The following PSMG2 variants were observed in gnomAD, a reference collection of about 807,000 sequenced individuals.
The protein encoded by PSMG2 is CD40 ligand-activated specific transcript 3.
A neutral mutation model predicts 31.5 loss-of-function variants in PSMG2; 21 were observed. The observed-to-expected ratio is 0.67, with a 90% CI of 0.47 to 0.96. PSMG2 has a LOEUF of 0.96. PSMG2 is among the 40% of genes least tolerant of loss of function. The pLI is 0.00. For synonymous variants in PSMG2, 120 were observed against 110.4 expected, an observed-to-expected ratio of 1.09 and a Z score of -0.54; for missense variants, 318 against 321.2, an observed-to-expected ratio of 0.99 and a Z score of 0.08.
upstream of PSMG2, chr18:12,702,289 C>A: frequency 1.8e-6 from 1 of 551,146 alleles, no homozygotes; most frequent in South Asian, 2.3e-5. Flanking sequence ...CTAGCACCTG[C>A]TCGGCTCGTT....
At chr18:12,681,488 G>A (rs181010470) in intron 1 of PSMG2, among the ~76,000 whole-genome samples, 17 of 152,092 alleles carry the variant, frequency 1.1e-4, no homozygotes, top group Non-Finnish European at 2.4e-4. Flanking sequence ...GGGCTCAAGT[G>A]ATCCTCCTGC....
chr18:12,686,263 T>G (rs1382186981), intron 1 of PSMG2: 3 of 1,610,096 alleles, frequency 1.9e-6, no homozygotes, highest in Non-Finnish European at 2.5e-6. Context: ...GTATAATACC[T>G]TGTTTCTACA....
At chr18:12,697,955 G>C in intron 1 of PSMG2, among the ~76,000 whole-genome samples, 1 of 152,086 alleles carries the variant, frequency 6.6e-6, no homozygotes, top group East Asian at 1.9e-4. Flanking sequence ...ACTTTGCTTA[G>C]TTTACAAATA....
intron 1 of PSMG2, among the ~76,000 whole-genome samples, chr18:12,682,173 C>T (rs371886974): frequency 1.1e-4 from 16 of 149,598 alleles, no homozygotes; most frequent in African/African-American, 2.4e-4. Flanking sequence ...TTTTTTTTTT[C>T]CTCTCTTTTG....
chr18:12,678,536 T>A, intron 1 of PSMG2: 1 of 771,714 alleles, frequency 1.3e-6, no homozygotes, highest in Non-Finnish European at 2.0e-6. Flanking sequence ...AGGCCATAAC[T>A]ACTTCTCAGA....
intron 1 of PSMG2, chr18:12,678,227 G>A: frequency 6.2e-7 from 1 of 1,614,148 alleles, no homozygotes; most frequent in Non-Finnish European, 8.5e-7. Context: ...TGTAGCTCCA[G>A]GAGCACACAC....
intron 1 of PSMG2, among the ~76,000 whole-genome samples, chr18:12,668,453 T>G (rs1297735165): frequency 6.6e-6 from 1 of 151,000 alleles, no homozygotes; most frequent in Non-Finnish European, 1.5e-5. Flanking sequence ...TTACAAAAAT[T>G]AGCTGGGCAT....
At chr18:12,721,105 G>A (rs1442338343) in intron 5 of PSMG2, among the ~76,000 whole-genome samples, 3 of 148,932 alleles carry the variant, frequency 2.0e-5, no homozygotes, top group Non-Finnish European at 3.0e-5. Flanking sequence ...GTGTGAACCC[G>A]AGAGGCGGAG....
chr18:12,678,104 A>G, intron 1 of PSMG2: 1 of 1,602,574 alleles, frequency 6.2e-7, no homozygotes, highest in Non-Finnish European at 8.5e-7. Context: ...TTCAGTGTGA[A>G]TTACCTTCCT....
intron 1 of PSMG2, among the ~76,000 whole-genome samples, chr18:12,690,947 C>A (rs537655284): frequency 2.3e-4 from 35 of 151,370 alleles, no homozygotes; most frequent in Non-Finnish European, 4.4e-4. Flanking sequence ...GAGCCCCCCC[C>A]CGTTCTGCAC....
At chr18:12,690,349 A>G (rs548401748) in intron 1 of PSMG2, among the ~76,000 whole-genome samples, 1 of 152,328 alleles carries the variant, frequency 6.6e-6, no homozygotes, top group Non-Finnish European at 1.5e-5. Context: ...TTAAAATAAT[A>G]TACTACACTA....
At chr18:12,691,309 C>G in intron 1 of PSMG2, 1 of 1,167,700 alleles carries the variant, frequency 8.6e-7, no homozygotes, top group Non-Finnish European at 1.2e-6. Context: ...ACACACATAA[C>G]AGTAAATCTC....
chr18:12,678,943 GA>G (rs200540833), intron 1 of PSMG2: 1 of 149,590 alleles, frequency 6.7e-6, no homozygotes, highest in Non-Finnish European at 1.5e-5. Context: ...CCATCTCCAA[GA>G]AAAAAAAATA....
chr18:12,674,437 G>C, intron 1 of PSMG2: 1 of 809,970 alleles, frequency 1.2e-6, no homozygotes. Flanking sequence ...GCAAGACCTT[G>C]AGTTAAAAAA....
chr18:12,713,171 T>C (rs1213906558), intron 3 of PSMG2, among the ~76,000 whole-genome samples: 1 of 152,210 alleles, frequency 6.6e-6, no homozygotes, highest in Non-Finnish European at 1.5e-5. Context: ...ACCAGTGTCA[T>C]CTTCATGCCC....
intron 1 of PSMG2, 55 bp downstream of exon 1, chr18:12,703,219 C>G (rs753215787): frequency 1.3e-6 from 2 of 1,539,734 alleles, no homozygotes; most frequent in Admixed American, 3.9e-5. Context: ...TGCGGTGTCG[C>G]CACCCCGACG....
At chr18:12,720,253 CAT>C (rs1231638600) in intron 4 of PSMG2, among the ~76,000 whole-genome samples, 1 of 152,186 alleles carries the variant, frequency 6.6e-6, no homozygotes, top group Non-Finnish European at 1.5e-5. Context: ...TCACAAAAGA[CAT>C]TACAGGCTTC....
Position 12,718,576 on chromosome 18 carries a change from C to T in PSMG2, c.348C>T (p.Ala116=). Residue 116 remains alanine (A), a synonymous_variant, in exon 4 of 7, where the codon GCC becomes GCT. Coordinates refer to ENST00000317615, the MANE Select transcript of PSMG2 (RefSeq NM_020232.5). Reference sequence around the variant, plus strand: ...CCTGGGTGAAAAGCAGTGGCTGTGCCAGAGTCATTGTTCTTTCAAGCAGTC... The same window carrying T: ...CCTGGGTGAAAAGCAGTGGCTGTGCTAGAGTCATTGTTCTTTCAAGCAGTC... The part of the protein sequence containing the change: ...LLSWVKSSGC[A]RVIVLSSSHS... 1 of 1,612,152 alleles carries T rather than the reference C, an allele frequency of 6.2e-7. No individual in the cohort carries two copies. The highest frequency in any genetic ancestry group is 1.3e-5 in the African/African-American group (1 of 74,998).
At chr18:12,707,450 T>C (rs2040281254) in intron 2 of PSMG2, among the ~76,000 whole-genome samples, 1 of 152,184 alleles carries the variant, frequency 6.6e-6, no homozygotes, top group South Asian at 2.1e-4. Flanking sequence ...CTAAGTCTTA[T>C]CCTCGTAGTC....
Sources: allele counts gnomAD v4.1 joint callset (sites outside exome capture counted in the v4.1 genomes callset), GRCh38; gene constraint gnomAD v4.1.1; transcripts MANE v1.5; gene names NCBI Gene and HGNC (gene_info 2026-07-23, HGNC 2026-07-21).